Variants in LINGO1 observed in about 807,000 individuals in gnomAD.
LINGO1 encodes leucine rich repeat and Ig domain containing 1.
In LINGO1, 11 loss-of-function variants were observed where a neutral mutation model predicts 37.3. The observed-to-expected ratio is 0.29, with a 90% CI of 0.19 to 0.49. The LOEUF (loss-of-function observed/expected upper bound fraction) is 0.49. Ranked by LOEUF, LINGO1 falls within the 20% of genes least tolerant of loss-of-function variation. The pLI, the probability that LINGO1 is intolerant of heterozygous loss-of-function variation, is 0.99. For missense variants in LINGO1, 585 were observed against 878.2 expected, an observed-to-expected ratio of 0.67 and a Z score of 4.22; for synonymous variants, 387 against 403.0, an observed-to-expected ratio of 0.96 and a Z score of 0.48.
intron 1 of LINGO1, among the ~76,000 whole-genome samples, chr15:77,766,305 A>AC (rs1386485426): frequency 3.3e-5 from 5 of 150,830 alleles, no homozygotes; most frequent in African/African-American, 1.2e-4. Flanking sequence ...CTCAAAAAAA[A>AC]AAAAAAAAAA....
chr15:77,813,572 C>A (rs186445299), intron 1 of LINGO1, among the ~76,000 whole-genome samples: 5 of 152,260 alleles, frequency 3.3e-5, no homozygotes, highest in African/African-American at 1.2e-4. Flanking sequence ...GAGGCTGGTC[C>A]TACTCATCTC....
intron 1 of LINGO1, among the ~76,000 whole-genome samples, chr15:77,624,022 A>G (rs1595998549): frequency 8.8e-6 from 1 of 113,638 alleles, no homozygotes; most frequent in Non-Finnish European, 1.8e-5. Flanking sequence ...GTGTGGTGTG[A>G]GTGGTCACTG....
At chr15:77,719,887 T>TACACAC (rs34870352) in intron 2 of LINGO1, among the ~76,000 whole-genome samples, 1 of 147,876 alleles carries the variant, frequency 6.8e-6, no homozygotes, top group African/African-American at 2.5e-5. Context: ...TACACACACA[T>TACACAC]ACACACACAC....
intron 1 of LINGO1, among the ~76,000 whole-genome samples, chr15:77,783,175 G>T (rs904701283): frequency 6.6e-6 from 1 of 152,114 alleles, no homozygotes; most frequent in Non-Finnish European, 1.5e-5. Context: ...CGGCCCTGTC[G>T]TTTCCCTCCC....
intron 1 of LINGO1, among the ~76,000 whole-genome samples, chr15:77,778,878 A>T (rs2076687430): frequency 6.6e-6 from 1 of 152,162 alleles, no homozygotes; most frequent in Non-Finnish European, 1.5e-5. Context: ...AGTCTCACTC[A>T]GAGCAAAAGC....
intron 1 of LINGO1, among the ~76,000 whole-genome samples, chr15:77,766,901 T>C (rs2076535684): frequency 1.3e-5 from 2 of 151,588 alleles, no homozygotes; most frequent in Admixed American, 6.6e-5. Flanking sequence ...AAAAAATCCA[T>C]TGGAAGGACA....
At chr15:77,809,522 G>T (rs1190829742) in intron 1 of LINGO1, among the ~76,000 whole-genome samples, 3 of 152,316 alleles carry the variant, frequency 2.0e-5, no homozygotes, top group Non-Finnish European at 4.4e-5. Flanking sequence ...AGTCACTGTG[G>T]GAACACACAG....
intron 3 of LINGO1, among the ~76,000 whole-genome samples, chr15:77,653,365 T>C (rs951810550): frequency 1.3e-5 from 2 of 151,998 alleles, no homozygotes; most frequent in Non-Finnish European, 2.9e-5. Context: ...GCCAGGGAGG[T>C]TGGTATCTTC....
At chr15:77,696,626 G>C (rs60140274), upstream of LINGO1, 19,815 of 153,020 alleles carry the variant, frequency 0.13, 2,466 homozygotes, top group African/African-American at 0.32. Context: ...CTCACCCAGG[G>C]CACCACCACC....
At chr15:77,765,745 G>T (rs1276569171) in intron 1 of LINGO1, among the ~76,000 whole-genome samples, 1 of 152,120 alleles carries the variant, frequency 6.6e-6, no homozygotes, top group Non-Finnish European at 1.5e-5. Flanking sequence ...CTGAATTTCA[G>T]GTCCAGATCC....
intron 1 of LINGO1, among the ~76,000 whole-genome samples, chr15:77,775,882 C>T (rs1372998781): frequency 6.6e-6 from 1 of 152,188 alleles, no homozygotes; most frequent in African/African-American, 2.4e-5. Flanking sequence ...CTGCCCCACA[C>T]ACACGCAGTT....
At chr15:77,635,305 G>A (rs1412557821), upstream of LINGO1, among the ~76,000 whole-genome samples, 1 of 152,186 alleles carries the variant, frequency 6.6e-6, no homozygotes, top group Non-Finnish European at 1.5e-5. Context: ...GGAGCTTTGG[G>A]GGAACAACTT....
chr15:77,793,889 A>T (rs1382848806), intron 2 of LINGO1, among the ~76,000 whole-genome samples: 1 of 152,198 alleles, frequency 6.6e-6, no homozygotes, highest in African/African-American at 2.4e-5. Context: ...GAGAACACAC[A>T]TTACTTTTTT....
At chr15:77,757,099 C>T (rs934044695) in intron 1 of LINGO1, among the ~76,000 whole-genome samples, 1 of 152,212 alleles carries the variant, frequency 6.6e-6, no homozygotes, top group Non-Finnish European at 1.5e-5. Flanking sequence ...CCCTACTGCC[C>T]CACTCCTTGG....
chr15:77,729,665 T>C (rs1410714326), intron 2 of LINGO1, among the ~76,000 whole-genome samples: 1 of 152,208 alleles, frequency 6.6e-6, no homozygotes, highest in Non-Finnish European at 1.5e-5. Flanking sequence ...GCTGCAGAGA[T>C]GTTGGAATAG....
chr15:77,636,301 C>G (rs904535050), upstream of LINGO1, among the ~76,000 whole-genome samples: 5 of 152,216 alleles, frequency 3.3e-5, no homozygotes, highest in South Asian at 4.1e-4. Context: ...CATGCCTGCT[C>G]TATGCTGGTC....
chr15:77,679,774 A>T (rs936234542), intron 2 of LINGO1, among the ~76,000 whole-genome samples: 1 of 152,146 alleles, frequency 6.6e-6, no homozygotes, highest in Admixed American at 6.6e-5. Context: ...CTCCCTGATG[A>T]GCTTCCCACT....
intron 2 of LINGO1, among the ~76,000 whole-genome samples, chr15:77,705,206 C>CACACACACACACACACACA (rs57434698): frequency 1.8e-4 from 27 of 149,046 alleles, no homozygotes; most frequent in Non-Finnish European, 2.5e-4. Flanking sequence ...CACACACACA[C>CACACACACACACACACACA]CAGTCCACTT....
chr15:77,674,061 C>T (rs1240194095), intron 3 of LINGO1, among the ~76,000 whole-genome samples: 2 of 152,082 alleles, frequency 1.3e-5, no homozygotes, highest in South Asian at 2.1e-4. Flanking sequence ...TGAACCACTC[C>T]TCTCCCCTAC....
Sources: allele counts gnomAD v4.1 joint callset (sites outside exome capture counted in the v4.1 genomes callset), GRCh38; gene constraint gnomAD v4.1.1; transcripts MANE v1.5; gene names NCBI Gene and HGNC (gene_info 2026-07-23, HGNC 2026-07-21).